The following C8orf34 variants were observed in gnomAD, a reference collection of about 807,000 sequenced individuals.
The protein encoded by C8orf34 is uncharacterized protein C8orf34.
In C8orf34, 65 loss-of-function variants were observed where a neutral mutation model predicts 68.3. That is an observed-to-expected ratio of 0.95 (90% CI 0.78 to 1.17). C8orf34 has a LOEUF of 1.17. C8orf34 is among the 50% of genes most tolerant of loss of function. The pLI, the probability that C8orf34 is intolerant of heterozygous loss-of-function variation, is 0.00. For missense variants in C8orf34, 664 were observed against 655.4 expected (o/e 1.01, Z -0.14); for synonymous variants, 244 against 241.2 (o/e 1.01, Z -0.11).
chr8:68,572,799 T>C (rs1206271278), intron 7 of C8orf34, among the ~76,000 whole-genome samples: 2 of 152,164 alleles, frequency 1.3e-5, no homozygotes, highest in Non-Finnish European at 2.9e-5. Flanking sequence ...TGGAGTGTGA[T>C]GGTCATTGCT....
intron 1 of C8orf34, among the ~76,000 whole-genome samples, chr8:68,419,234 C>T (rs1196314181): frequency 5.4e-5 from 8 of 149,176 alleles, no homozygotes; most frequent in Non-Finnish European, 7.5e-5. Context: ...AAAATGCTCA[C>T]CATCACTGGC....
At chr8:68,482,360 T>C (rs1405340776) in intron 4 of C8orf34, among the ~76,000 whole-genome samples, 1 of 152,168 alleles carries the variant, frequency 6.6e-6, no homozygotes, top group African/African-American at 2.4e-5. Flanking sequence ...CAGTTGAGGA[T>C]TGAATTCCTC....
At position 68,569,111 on chromosome 8, in the gene C8orf34, T is replaced by C. The variant is rs543124600; in HGVS notation, c.1105+35962T>C. 1.8e-4 allele frequency among the ~76,000 whole-genome samples: 27 copies of C among 152,352 alleles called. No individual in the cohort carries two copies. In the East Asian group the frequency reaches 2.9e-3, roughly 16 times the overall value. ...TAACCTCCTGATTTATTGACTCTTA[T>C]AGAGGTAAGGTGTGGGTTTCTATGA... is the stretch of plus-strand genomic sequence containing the variant. On this transcript the variant is annotated intron_variant, in intron 7 of 13. Transcript: ENST00000518698.
intron 1 of C8orf34, among the ~76,000 whole-genome samples, chr8:68,333,358 C>A (rs1805714178): frequency 6.6e-6 from 1 of 152,116 alleles, no homozygotes; most frequent in Non-Finnish European, 1.5e-5. Flanking sequence ...CATACACTGG[C>A]ATTAGCTTAG....
intron 1 of C8orf34, among the ~76,000 whole-genome samples, chr8:68,354,519 A>G (rs546507351): frequency 6.6e-6 from 1 of 152,042 alleles, no homozygotes; most frequent in Non-Finnish European, 1.5e-5. Flanking sequence ...GAATATTTTT[A>G]TTTTGAAATA....
At chr8:68,799,636 T>C (rs762138184) in intron 12 of C8orf34, among the ~76,000 whole-genome samples, 1 of 152,176 alleles carries the variant, frequency 6.6e-6, no homozygotes, top group African/African-American at 2.4e-5. Context: ...GCAATCATAT[T>C]TGTGGATCTT....
chr8:68,761,119 T>C (rs1481488811), intron 10 of C8orf34, among the ~76,000 whole-genome samples: 1 of 152,220 alleles, frequency 6.6e-6, no homozygotes, highest in Admixed American at 6.5e-5. Flanking sequence ...GCTATCTGAA[T>C]ACTTTTCCAC....
intron 8 of C8orf34, among the ~76,000 whole-genome samples, chr8:68,657,211 C>T (rs975940700): frequency 1.3e-5 from 2 of 152,130 alleles, no homozygotes; most frequent in African/African-American, 4.8e-5. Flanking sequence ...AGTTCACATT[C>T]GCTTCCTTTT....
At chr8:68,715,964 A>G (rs1821460184) in intron 9 of C8orf34, among the ~76,000 whole-genome samples, 1 of 152,204 alleles carries the variant, frequency 6.6e-6, no homozygotes, top group South Asian at 2.1e-4. Flanking sequence ...ATATATATAC[A>G]CCATGAAATA....
rs184315533 is a variant in C8orf34 at position 68,728,479 on chromosome 8, A to G, written c.1404+7042A>G. Among the ~76,000 whole-genome samples, 39 of 152,124 alleles carry G rather than the reference A, an allele frequency of 2.6e-4. No individual in the cohort carries two copies. In the East Asian group the frequency reaches 6.8e-3, roughly 26 times the overall value. ...TCAGGTATCTTTTCAGCAATGCCCC[A>G]CTCTACTGGTACCAATTTACTGTAT... On this transcript the variant is annotated intron_variant, in intron 10 of 13. Transcript: ENST00000518698.
At chr8:68,752,916 G>C (rs1822749349) in intron 10 of C8orf34, among the ~76,000 whole-genome samples, 1 of 152,112 alleles carries the variant, frequency 6.6e-6, no homozygotes, top group African/African-American at 2.4e-5. Context: ...TCTCTAGTTA[G>C]CTCTTGAATT....
intron 7 of C8orf34, among the ~76,000 whole-genome samples, chr8:68,634,047 C>A (rs1004542834): frequency 1.2e-4 from 18 of 151,948 alleles, no homozygotes; most frequent in Admixed American, 5.2e-4. Flanking sequence ...AAAACAGAGG[C>A]AATCACTTAT....
chr8:68,625,709 G>C, intron 7 of C8orf34: 1 of 647,186 alleles, frequency 1.5e-6, no homozygotes, highest in South Asian at 1.7e-5. Flanking sequence ...GTGTGAGTTG[G>C]CAACTATGGC....
intron 5 of C8orf34, among the ~76,000 whole-genome samples, chr8:68,511,272 C>T (rs1263456103): frequency 6.6e-6 from 1 of 152,116 alleles, no homozygotes; most frequent in African/African-American, 2.4e-5. Flanking sequence ...GGTGAGAGCA[C>T]ACCTGAACAA....
intron 5 of C8orf34, among the ~76,000 whole-genome samples, chr8:68,515,992 A>G (rs1814496197): frequency 1.3e-5 from 2 of 152,240 alleles, no homozygotes; most frequent in South Asian, 4.1e-4. Context: ...CAATGTGCAT[A>G]GATGTTTATT....
chr8:68,447,440 A>G (rs973889286), intron 3 of C8orf34: 2 of 152,138 alleles, frequency 1.3e-5, no homozygotes, highest in African/African-American at 4.8e-5. Flanking sequence ...GTGCTCTGCT[A>G]TCCCCACATA....
chr8:68,592,269 C>T (rs560827006), intron 7 of C8orf34, among the ~76,000 whole-genome samples: 7 of 151,646 alleles, frequency 4.6e-5, no homozygotes, highest in Admixed American at 1.3e-4. Context: ...ATATTTAATC[C>T]GTAAATCAAT....
chr8:68,531,638 T>G (rs1322514651), intron 6 of C8orf34, among the ~76,000 whole-genome samples: 1 of 152,146 alleles, frequency 6.6e-6, no homozygotes. Flanking sequence ...TCCACCAGAT[T>G]TTTCCAGTGT....
intron 8 of C8orf34, among the ~76,000 whole-genome samples, chr8:68,641,678 A>T (rs891728753): frequency 2.0e-5 from 3 of 152,190 alleles, no homozygotes; most frequent in African/African-American, 7.2e-5. Flanking sequence ...TGCTTGGTTC[A>T]TGTCATTTGT....
Sources: gnomAD v4.1 joint callset for allele counts (sites outside exome capture counted in the v4.1 genomes callset) on GRCh38, gnomAD v4.1.1 for gene constraint, MANE v1.5 for transcripts, NCBI Gene and HGNC (gene_info 2026-07-23, HGNC 2026-07-21) for gene names.